The following PPP2R3A variants were observed in gnomAD, a reference collection of about 807,000 sequenced individuals.
The protein encoded by PPP2R3A is serine/threonine-protein phosphatase 2A regulatory subunit B'' subunit alpha.
PPP2R3A carries 80 observed loss-of-function variants against 106.9 expected under a neutral mutation model. The ratio of observed to expected loss-of-function variants is 0.75; its 90% CI spans 0.62 to 0.90. PPP2R3A has a LOEUF of 0.90. Among genes scored for constraint, PPP2R3A ranks in the 40% least tolerant of loss-of-function variants. The pLI, the probability that PPP2R3A is intolerant of heterozygous loss-of-function variation, is 0.00. For missense variants in PPP2R3A, 1,386 were observed against 1,350.4 expected (o/e 1.03, Z -0.41); for synonymous variants, 483 against 468.3 (o/e 1.03, Z -0.41).
At chr3:136,022,770 G>T (rs536104382) in intron 2 of PPP2R3A, 6 of 1,158,214 alleles carry the variant, frequency 5.2e-6, no homozygotes. Flanking sequence ...AACATGTGCA[G>T]GTCAATTTGA....
At chr3:136,073,323 A>G (rs754416546) in intron 6 of PPP2R3A, among the ~76,000 whole-genome samples, 10 of 152,214 alleles carry the variant, frequency 6.6e-5, no homozygotes, top group Non-Finnish European at 1.2e-4. Flanking sequence ...TTTTGTTCAC[A>G]TATAATTCAC....
rs1936096579 is a variant in PPP2R3A at position 136,062,074 on chromosome 3, A to AT, written c.2470-8401dup. Among the ~76,000 whole-genome samples the AT allele has an allele frequency of 2.0e-5, 3 of 152,296 alleles. No individual in the cohort carries two copies. In the South Asian group the frequency reaches 6.2e-4, roughly 32 times the overall value. ...CTCATTGGCATCCCTCAGGAAATGGATTTGAACTTAGATTTCTGTATCTTG... is the reference window on the plus strand; with the variant it reads ...CTCATTGGCATCCCTCAGGAAATGGATTTTGAACTTAGATTTCTGTATCTTG... On this transcript the variant is annotated intron_variant, in intron 5 of 13. Transcript: ENST00000264977.
At position 136,003,110 on chromosome 3, in the gene PPP2R3A, A is replaced by G. The variant is rs1255972208; in HGVS notation, c.1612A>G (p.Asn538Asp). ...GCCACTTGCGAAGGGTAAAAACTCT[A>G]ATTTTTTAAATAGTCACAGTCAGTT... The part of the protein sequence containing the change: ...REPLAKGKNS[N>D]FLNSHSQLTG... Residue 538 changes from asparagine (N) to aspartate (D), a missense_variant, in exon 2 of 14, where the codon AAT (asparagine) becomes GAT (aspartate). Transcript: ENST00000264977. The G allele has an allele frequency of 3.1e-6, 5 of 1,610,854 alleles. No homozygotes were observed. Among genetic ancestry groups the G allele is most frequent in the Non-Finnish European group, 4.2e-6 (5 of 1,179,200 alleles).
At chr3:136,020,277 A>G (rs1192812706) in intron 2 of PPP2R3A, among the ~76,000 whole-genome samples, 3 of 152,116 alleles carry the variant, frequency 2.0e-5, no homozygotes, top group East Asian at 3.8e-4. Context: ...TAAAATGTCT[A>G]TATAAACATT....
At chr3:136,094,363 T>C (rs1180330043) in intron 10 of PPP2R3A, among the ~76,000 whole-genome samples, 2 of 152,202 alleles carry the variant, frequency 1.3e-5, no homozygotes, top group African/African-American at 4.8e-5. Context: ...GGAACAATTA[T>C]ATGATATGTG....
intron 10 of PPP2R3A, among the ~76,000 whole-genome samples, chr3:136,091,093 G>C (rs533121666): frequency 3.8e-4 from 58 of 152,220 alleles, no homozygotes; most frequent in Middle Eastern, 3.4e-3. Context: ...GCTTTTCCTT[G>C]GCACTCCCAG....
chr3:136,106,463 A>ATGAT, intron 13 of PPP2R3A, 141 bp downstream of exon 13: 1 of 687,900 alleles, frequency 1.5e-6, no homozygotes, highest in South Asian at 1.9e-5. Context: ...CTTTAGTTAA[A>ATGAT]TGATTATTTT....
chr3:136,089,532 T>C (rs1373430266), intron 9 of PPP2R3A, among the ~76,000 whole-genome samples: 2 of 152,080 alleles, frequency 1.3e-5, no homozygotes, highest in Non-Finnish European at 2.9e-5. Flanking sequence ...TCTCGCTTGG[T>C]TGTTTTTGCT....
chr3:136,142,126 G>A (rs1008004754), intron 13 of PPP2R3A, among the ~76,000 whole-genome samples: 1 of 152,154 alleles, frequency 6.6e-6, no homozygotes, highest in Non-Finnish European at 1.5e-5. Flanking sequence ...GTAAAGCCAT[G>A]GGAAAGACTA....
At chr3:136,000,120 G>A (rs533534807) in intron 1 of PPP2R3A, among the ~76,000 whole-genome samples, 8 of 152,208 alleles carry the variant, frequency 5.3e-5, no homozygotes, top group Non-Finnish European at 1.2e-4. Flanking sequence ...TGTCAGTGAG[G>A]TCTTCTCTGA....
chr3:135,969,822 T>C (rs1937193077), intron 1 of PPP2R3A, among the ~76,000 whole-genome samples: 1 of 152,216 alleles, frequency 6.6e-6, no homozygotes. Flanking sequence ...AATGAGAAAA[T>C]GTAGCACTAC....
At chr3:136,101,773 G>A (rs1010434127) in intron 10 of PPP2R3A, among the ~76,000 whole-genome samples, 4 of 152,054 alleles carry the variant, frequency 2.6e-5, no homozygotes, top group Non-Finnish European at 2.9e-5. Flanking sequence ...CGATATAGAC[G>A]TGTTATCTGA....
At chr3:136,131,531 G>A (rs1938416500) in intron 13 of PPP2R3A, among the ~76,000 whole-genome samples, 1 of 152,220 alleles carries the variant, frequency 6.6e-6, no homozygotes, top group South Asian at 2.1e-4. Flanking sequence ...TGGAGAGGAT[G>A]TGGAGAAATA....
intron 2 of PPP2R3A, among the ~76,000 whole-genome samples, chr3:136,007,330 A>G (rs1933883353): frequency 1.3e-5 from 2 of 152,194 alleles, no homozygotes; most frequent in Non-Finnish European, 2.9e-5. Flanking sequence ...GTCTCCTCAA[A>G]TGGAAACCGC....
intron 13 of PPP2R3A, among the ~76,000 whole-genome samples, chr3:136,136,071 AAATT>A (rs1938608129): frequency 4.3e-5 from 1 of 23,480 alleles, no homozygotes; most frequent in African/African-American, 6.7e-5. Context: ...AAAAAAAAAA[AAATT>A]ATATATATAT....
At chr3:136,105,660 T>TA (rs112863492) in intron 12 of PPP2R3A, among the ~76,000 whole-genome samples, 23 of 151,298 alleles carry the variant, frequency 1.5e-4, no homozygotes, top group South Asian at 2.1e-4. Context: ...CTATCTCTTT[T>TA]AAAAAAAAGA....
At chr3:136,060,607 G>A (rs899181603) in intron 5 of PPP2R3A, among the ~76,000 whole-genome samples, 1 of 151,968 alleles carries the variant, frequency 6.6e-6, no homozygotes, top group Non-Finnish European at 1.5e-5. Flanking sequence ...TTCGCCTTTC[G>A]CCATGATTGT....
At chr3:136,120,746 C>T (rs184213376) in intron 13 of PPP2R3A, among the ~76,000 whole-genome samples, 20 of 151,910 alleles carry the variant, frequency 1.3e-4, no homozygotes, top group Admixed American at 3.9e-4. Context: ...GAAAAACAGC[C>T]CCATTAAAAA....
At chr3:136,037,804 G>A (rs1004631158) in intron 3 of PPP2R3A, among the ~76,000 whole-genome samples, 3 of 152,088 alleles carry the variant, frequency 2.0e-5, no homozygotes, top group Admixed American at 6.5e-5. Context: ...AGATCAAATC[G>A]TAGGTGTTGA....
Sources: allele counts gnomAD v4.1 joint callset (sites outside exome capture counted in the v4.1 genomes callset), GRCh38; gene constraint gnomAD v4.1.1; transcripts MANE v1.5; gene names NCBI Gene and HGNC (gene_info 2026-07-23, HGNC 2026-07-21).